ELMO1: variants seen among roughly 807,000 people sequenced by gnomAD.
ELMO1 encodes engulfment and cell motility 1, also known as engulfment and cell motility protein 1.
A neutral mutation model predicts 98.9 loss-of-function variants in ELMO1; 26 were observed. The ratio of observed to expected loss-of-function variants is 0.26; its 90% CI spans 0.19 to 0.36. The LOEUF (loss-of-function observed/expected upper bound fraction) is 0.36, where lower values mean the gene tolerates loss of function less well. Among genes scored for constraint, ELMO1 ranks in the 10% least tolerant of loss-of-function variants. ELMO1 has a pLI of 1.00. For missense variants in ELMO1, 627 were observed against 935.2 expected, an observed-to-expected ratio of 0.67 and a Z score of 4.30; for synonymous variants, 346 against 346.0, an observed-to-expected ratio of 1.00 and a Z score of 0.00.
At chr7:37,322,221 T>C (rs565338542) in intron 2 of ELMO1, among the ~76,000 whole-genome samples, 2 of 152,198 alleles carry the variant, frequency 1.3e-5, no homozygotes, top group African/African-American at 4.8e-5. Flanking sequence ...CCCATGCCTG[T>C]TATCCCAGCA....
chr7:37,183,663 C>CA lies in ELMO1; in HGVS notation c.1086+27722dup, dbSNP rs1230199583. On this transcript the variant is annotated intron_variant, in intron 13 of 21. Transcript: ENST00000310758. ...GAAGTAGCAGGAAAGAGGGAAGGGC[C>CA]ATAGTCTATGTCCCCCACCTCCCTC... is the stretch of plus-strand genomic sequence containing the variant. Among the ~76,000 whole-genome samples, 9 of 152,108 alleles carry CA rather than the reference C, an allele frequency of 5.9e-5. No individual in the cohort carries two copies. The South Asian group carries it at 8.3e-4, about 14-fold the overall frequency.
At chr7:36,886,452 G>T (rs1805020067) in intron 18 of ELMO1, among the ~76,000 whole-genome samples, 1 of 152,176 alleles carries the variant, frequency 6.6e-6, no homozygotes, top group African/African-American at 2.4e-5. Flanking sequence ...AACACAAAAT[G>T]ATTTTTGTCA....
chr7:37,308,390 A>G (rs191002955), intron 4 of ELMO1, among the ~76,000 whole-genome samples: 8 of 152,302 alleles, frequency 5.3e-5, no homozygotes, highest in Admixed American at 2.6e-4. Context: ...CTTTCCAGCC[A>G]CATCTGGATG....
At chr7:37,386,965 C>A (rs1005613508) in intron 1 of ELMO1, among the ~76,000 whole-genome samples, 5 of 152,172 alleles carry the variant, frequency 3.3e-5, no homozygotes, top group Non-Finnish European at 7.3e-5. Flanking sequence ...AAGGCCCAGG[C>A]AGTAGTTTTG....
chr7:37,280,832 C>G (rs1190483194), intron 4 of ELMO1, among the ~76,000 whole-genome samples: 1 of 152,014 alleles, frequency 6.6e-6, no homozygotes, highest in Non-Finnish European at 1.5e-5. Flanking sequence ...CCATTTGATC[C>G]AGCAGTCCCA....
intron 13 of ELMO1, among the ~76,000 whole-genome samples, chr7:37,164,415 G>A (rs1194433884): frequency 7.9e-5 from 12 of 152,242 alleles, no homozygotes; most frequent in Admixed American, 7.2e-4. Context: ...CCTTGCCCAT[G>A]CCTATGTCCT....
intron 15 of ELMO1, among the ~76,000 whole-genome samples, chr7:37,080,600 A>ATTTTTTTTTTTTTTT (rs764259726): frequency 3.1e-4 from 33 of 105,216 alleles, no homozygotes; most frequent in Non-Finnish European, 3.8e-4. Flanking sequence ...ACCACGCCTA[A>ATTTTTTTTTTTTTTT]TTTTTTTTTT....
chr7:37,126,919 A>AT lies in ELMO1; in HGVS notation c.1191+6210dup, dbSNP rs200795920. Among the ~76,000 whole-genome samples, 1,342 of 152,146 alleles carry AT rather than the reference A, an allele frequency of 8.8e-3. 17 individuals are homozygous for AT. The highest frequency in any genetic ancestry group is 0.031 in the African/African-American group (1,272 of 41,476). On this transcript the variant is annotated intron_variant, in intron 14 of 21. Transcript: ENST00000310758. ...TGGACTGTTTCTGTTTTCTATGTGTATTTTTTCCCTCTGAAAAAGATGTAA... is the reference window on the plus strand; with the variant it reads ...TGGACTGTTTCTGTTTTCTATGTGTATTTTTTTCCCTCTGAAAAAGATGTAA...
intron 18 of ELMO1, among the ~76,000 whole-genome samples, chr7:36,878,368 A>T (rs933054403): frequency 3.9e-5 from 6 of 152,184 alleles, no homozygotes; most frequent in Non-Finnish European, 8.8e-5. Context: ...GCTCAATAGC[A>T]ATAGATTTTA....
At chr7:37,024,805 A>AT (rs917269334) in intron 15 of ELMO1, among the ~76,000 whole-genome samples, 480 of 151,600 alleles carry the variant, frequency 3.2e-3, no homozygotes, top group Admixed American at 8.1e-3. Flanking sequence ...TACAAATATG[A>AT]TTTTTTTTTC....
intron 5 of ELMO1, among the ~76,000 whole-genome samples, chr7:37,267,228 C>G (rs1274371540): frequency 1.3e-5 from 2 of 152,070 alleles, no homozygotes; most frequent in African/African-American, 4.8e-5. Flanking sequence ...ACAGGCATCC[C>G]TCTATACAGG....
intron 16 of ELMO1, among the ~76,000 whole-genome samples, chr7:36,944,771 C>A (rs972764940): frequency 2.0e-5 from 3 of 152,142 alleles, no homozygotes; most frequent in African/African-American, 7.2e-5. Context: ...GTGTTCCCAG[C>A]CCTTAGTGAA....
chr7:37,416,909 C>T lies in ELMO1; in HGVS notation c.-74+31766G>A, dbSNP rs138881364. On this transcript the variant is annotated intron_variant, in intron 1 of 21. Coordinates refer to ENST00000310758, the MANE Select transcript of ELMO1 (RefSeq NM_014800.11). ...AAGAGTTAACCACCTGTCCTATCAA[C>T]AGTGTTTACTTTTGTGTTTGGCTCA... 2.0e-5 allele frequency among the ~76,000 whole-genome samples: 3 copies of T among 152,086 alleles called. No homozygotes were observed. The East Asian group carries it at 5.8e-4, about 29-fold the overall frequency.
intron 13 of ELMO1, among the ~76,000 whole-genome samples, chr7:37,151,673 T>C (rs756600630): frequency 9.9e-5 from 15 of 152,178 alleles, no homozygotes; most frequent in East Asian, 1.9e-4. Flanking sequence ...GGAGAACATA[T>C]TGGAAATAAT....
At chr7:37,310,980 C>T (rs539904925) in intron 4 of ELMO1, among the ~76,000 whole-genome samples, 13 of 149,802 alleles carry the variant, frequency 8.7e-5, no homozygotes, top group African/African-American at 3.1e-4. Flanking sequence ...TAAACATACC[C>T]TTCACTTATC....
chr7:37,335,447 T>C (rs1020309836), intron 2 of ELMO1, among the ~76,000 whole-genome samples: 2 of 152,160 alleles, frequency 1.3e-5, no homozygotes, highest in Admixed American at 1.3e-4. Flanking sequence ...CTGCAGACAC[T>C]ACCTTGGCCC....
At chr7:36,896,068 A>G (rs1200479490) in intron 16 of ELMO1, among the ~76,000 whole-genome samples, 1 of 152,198 alleles carries the variant, frequency 6.6e-6, no homozygotes, top group Non-Finnish European at 1.5e-5. Flanking sequence ...GCTGCCACCC[A>G]TGCCACCATT....
At chr7:37,368,764 C>T (rs113051575) in intron 1 of ELMO1, among the ~76,000 whole-genome samples, 2,509 of 152,302 alleles carry the variant, frequency 0.016, 68 homozygotes, top group African/African-American at 0.057. Context: ...CCTGACACCT[C>T]CCTCAGAGCT....
At chr7:37,224,778 A>G in intron 9 of ELMO1, 101 bp downstream of exon 9, 7 of 1,481,352 alleles carry the variant, frequency 4.7e-6, no homozygotes, top group Non-Finnish European at 6.4e-6. Context: ...CTTTTTCTGT[A>G]CATTTAACCA....
Sources: allele counts gnomAD v4.1 joint callset (sites outside exome capture counted in the v4.1 genomes callset), GRCh38; gene constraint gnomAD v4.1.1; transcripts MANE v1.5; gene names NCBI Gene and HGNC (gene_info 2026-07-23, HGNC 2026-07-21).